The following ACADL variants were observed in gnomAD, a reference collection of about 807,000 sequenced individuals.
The protein encoded by ACADL is long-chain specific acyl-CoA dehydrogenase, mitochondrial.
A neutral mutation model predicts 56.9 loss-of-function variants in ACADL; 60 were observed. The observed-to-expected ratio is 1.05, with a 90% CI of 0.86 to 1.31. The LOEUF (loss-of-function observed/expected upper bound fraction) is 1.31, where lower values mean the gene tolerates loss of function less well. Ranked by LOEUF, ACADL falls within the 50% of genes most tolerant of loss-of-function variation. The pLI is 0.00. For synonymous variants in ACADL, 158 were observed against 179.7 expected, an observed-to-expected ratio of 0.88 and a Z score of 0.97; for missense variants, 484 against 525.5, an observed-to-expected ratio of 0.92 and a Z score of 0.77.
chr2:210,207,643 A>C (rs952978396), intron 5 of ACADL, among the ~76,000 whole-genome samples: 4 of 152,144 alleles, frequency 2.6e-5, no homozygotes, highest in African/African-American at 7.2e-5. Context: ...ATCTGTTTTT[A>C]TCTCTCTCTC....
At chr2:210,221,467 T>C (rs1234862126) in intron 1 of ACADL, among the ~76,000 whole-genome samples, 1 of 152,190 alleles carries the variant, frequency 6.6e-6, no homozygotes, top group Middle Eastern at 3.2e-3. Context: ...GAAGTACCCC[T>C]GAAAGAAATT....
intron 6 of ACADL, among the ~76,000 whole-genome samples, chr2:210,205,374 A>G (rs1464174785): frequency 1.3e-5 from 2 of 152,168 alleles, no homozygotes; most frequent in Non-Finnish European, 1.5e-5. Flanking sequence ...TTACAAATAG[A>G]TGGCTTGTTA....
intron 4 of ACADL, among the ~76,000 whole-genome samples, chr2:210,214,487 G>GAAAGAAAGAAAGAAAGAAAGA (rs1689043089): frequency 6.7e-6 from 1 of 149,340 alleles, no homozygotes. Flanking sequence ...AAGAAAGAAA[G>GAAAGAAAGAAAGAAAGAAAGA]AAAGAAAGAA....
chr2:210,194,515 A>T (rs1171089368), intron 9 of ACADL, among the ~76,000 whole-genome samples: 1 of 152,236 alleles, frequency 6.6e-6, no homozygotes, highest in African/African-American at 2.4e-5. Flanking sequence ...AAAGTCTGAC[A>T]TACAGGGATG....
intron 10 of ACADL, among the ~76,000 whole-genome samples, chr2:210,191,463 T>TA (rs1336601485): frequency 2.0e-5 from 3 of 152,166 alleles, no homozygotes; most frequent in Non-Finnish European, 4.4e-5. Flanking sequence ...GCTCTAATCT[T>TA]AAGCCATTTA....
At chr2:210,217,810 T>A in intron 3 of ACADL, 155 bp downstream of exon 3, 1 of 923,324 alleles carries the variant, frequency 1.1e-6, no homozygotes, top group Non-Finnish European at 1.7e-6. Flanking sequence ...TGTGCAAGAG[T>A]GCATGAGCGG....
intron 10 of ACADL, among the ~76,000 whole-genome samples, chr2:210,190,951 C>G (rs1559631837): frequency 7.0e-6 from 1 of 143,284 alleles, no homozygotes; most frequent in African/African-American, 2.5e-5. Context: ...CAGTCTCACT[C>G]TGTCGCCCAG....
At chr2:210,218,408 G>A (rs1689124458) in intron 2 of ACADL, 1 of 318,656 alleles carries the variant, frequency 3.1e-6, no homozygotes, top group African/African-American at 2.2e-5. Context: ...AGCCTCTTGA[G>A]CAGCTAAGAC....
chr2:210,203,330 C>A lies in ACADL; in HGVS notation c.984+1G>T. 6.2e-7 allele frequency: 1 copy of A among 1,605,254 alleles called. No homozygotes were observed. ...ATACTAAACCACAGTGACAAGCTTA[C>A]CTGTAGGTGAGCAACTGTTTTGCCA... On this transcript the variant is annotated splice_donor_variant, in intron 8 of 10. Coordinates refer to ENST00000233710, the MANE Select transcript of ACADL (RefSeq NM_001608.4). LOFTEE classifies it high-confidence loss of function.
intron 5 of ACADL, chr2:210,209,898 T>C: frequency 3.4e-6 from 1 of 296,594 alleles, no homozygotes. Flanking sequence ...TTAATATTTG[T>C]CCCACATTTG....
rs567041636 is a variant in ACADL, at chr2:210,198,803, A to C, written c.985-3465T>G. ...TAGCAGTGTCTGGCAGATAGGGAGC[A>C]GTCAAGCAATAATATCCATTATTAT... On this transcript the variant is annotated intron_variant, in intron 8 of 10. Transcript: ENST00000233710. Among the ~76,000 whole-genome samples, 4 of 152,274 alleles carry C rather than the reference A, an allele frequency of 2.6e-5. No individual in the cohort carries two copies. In the South Asian group the frequency reaches 6.2e-4, roughly 24 times the overall value.
intron 6 of ACADL, 103 bp downstream of exon 6, chr2:210,205,529 A>T (rs952084850): frequency 6.0e-5 from 69 of 1,154,464 alleles, no homozygotes; most frequent in Non-Finnish European, 8.1e-5. Flanking sequence ...GGAATTCAGC[A>T]TAGGAAATAA....
At chr2:210,215,013 C>A (rs1269682120) in intron 4 of ACADL, among the ~76,000 whole-genome samples, 1 of 152,130 alleles carries the variant, frequency 6.6e-6, no homozygotes, top group Non-Finnish European at 1.5e-5. Context: ...ATAACACTGT[C>A]AGAAAAGAAA....
chr2:210,193,036 A>G lies in ACADL; in HGVS notation c.1113-146T>C, dbSNP rs1029723613. 3 of 615,668 alleles carry G rather than the reference A, an allele frequency of 4.9e-6. No individual in the cohort carries two copies. In the Admixed American group the frequency reaches 9.1e-5, roughly 19 times the overall value. The allele number at this position is 615,668 out of a possible 1,614,324, so 38.1% of individuals were successfully genotyped here. A position where few individuals can be genotyped will look rare whatever the true frequency, so the allele number is the denominator to read the frequency against. ...GAACGGCATATTAGCTAAGCAAAGA[A>G]GATAAAAATTACATATGAAATATAT... is the stretch of plus-strand genomic sequence containing the variant. On this transcript the variant is annotated intron_variant, in intron 9 of 10. Transcript: ENST00000233710.
At chr2:210,205,918 C>G (rs1031388229) in intron 5 of ACADL, 122 bp from the exon 6 acceptor site, 1 of 1,125,918 alleles carries the variant, frequency 8.9e-7, no homozygotes, top group Non-Finnish European at 1.3e-6. Context: ...ATACCTCTCT[C>G]TGTACCCTAC....
intron 1 of ACADL, among the ~76,000 whole-genome samples, chr2:210,224,123 G>T (rs1339464509): frequency 2.0e-5 from 3 of 150,518 alleles, no homozygotes; most frequent in African/African-American, 7.3e-5. Context: ...CAGGAAAGCT[G>T]AGGCAGGAGA....
chr2:210,195,047 T>G (rs1231107596), intron 9 of ACADL, among the ~76,000 whole-genome samples, 164 bp downstream of exon 9: 1 of 152,126 alleles, frequency 6.6e-6, no homozygotes, highest in Non-Finnish European at 1.5e-5. Flanking sequence ...ATTATACATA[T>G]GCTTAATGGA....
chr2:210,203,463 G>A lies in ACADL; in HGVS notation c.871-19C>T, dbSNP rs1559636210. The stretch of plus-strand genomic sequence containing the variant: ...GCCTTTCCTATAACACAAAAATTAG[G>A]TCTTAAACATTACTCTAATTATGCA... On this transcript the variant is annotated intron_variant, in intron 7 of 10. Transcript: ENST00000233710. The A allele has an allele frequency of 6.6e-7, 1 of 1,513,592 alleles. No individual in the cohort carries two copies. The highest frequency in any genetic ancestry group is 9.2e-7 in the Non-Finnish European group (1 of 1,091,410). The allele number at this position is 1,513,592 out of a possible 1,614,324, so 93.8% of individuals were successfully genotyped here.
At chr2:210,215,020 G>A (rs1202556894) in intron 4 of ACADL, among the ~76,000 whole-genome samples, 1 of 152,086 alleles carries the variant, frequency 6.6e-6, no homozygotes, top group Admixed American at 6.6e-5. Context: ...TGTCAGAAAA[G>A]AAAATCTTAC....
Sources: gnomAD v4.1 joint callset for allele counts (sites outside exome capture counted in the v4.1 genomes callset) on GRCh38, gnomAD v4.1.1 for gene constraint, MANE v1.5 for transcripts, NCBI Gene and HGNC (gene_info 2026-07-23, HGNC 2026-07-21) for gene names.